Variants in LNPK observed in about 807,000 individuals in gnomAD.
LNPK encodes the protein endoplasmic reticulum junction formation protein lunapark.
Under a neutral mutation model 55.2 loss-of-function variants are expected in LNPK, and 29 were observed. The observed-to-expected ratio is 0.53, with a 90% CI of 0.39 to 0.72. LNPK has a LOEUF of 0.72. Ranked by LOEUF, LNPK falls within the 30% of genes least tolerant of loss-of-function variation. LNPK has a pLI of 0.00. For missense variants in LNPK, 467 were observed against 494.8 expected, an observed-to-expected ratio of 0.94 and a Z score of 0.53; for synonymous variants, 162 against 168.2, an observed-to-expected ratio of 0.96 and a Z score of 0.29.
At chr2:175,968,980 T>C (rs1246829132) in intron 6 of LNPK, among the ~76,000 whole-genome samples, 3 of 150,982 alleles carry the variant, frequency 2.0e-5, no homozygotes, top group Non-Finnish European at 4.4e-5. Flanking sequence ...ATTGCACCAC[T>C]GCACTCCTGC....
In LNPK at chr2:175,975,190, C is replaced by T. The variant is rs972125844; in HGVS notation, c.317-4386G>A. Reference sequence around the variant, plus strand: ...TAACATTTTTTAAAACTACAGCAAACATCATACTTAATGGTAAAATATTAA... The same window carrying T: ...TAACATTTTTTAAAACTACAGCAAATATCATACTTAATGGTAAAATATTAA... On this transcript the variant is annotated intron_variant, in intron 5 of 12. Coordinates refer to ENST00000272748, the MANE Select transcript of LNPK (RefSeq NM_030650.3). Among the ~76,000 whole-genome samples the T allele has an allele frequency of 1.8e-4, 27 of 152,208 alleles. No individual in the cohort carries two copies. In the Middle Eastern group the frequency reaches 0.01, roughly 58 times the overall value.
chr2:175,930,272 A>G, intron 12 of LNPK, 73 bp from the exon 13 acceptor site: 1 of 810,160 alleles, frequency 1.2e-6, no homozygotes, highest in Non-Finnish European at 2.0e-6. Context: ...AGCAAAAAAG[A>G]TAAACACACA....
At chr2:175,974,763 TA>T (rs1419904344) in intron 5 of LNPK, among the ~76,000 whole-genome samples, 2 of 151,972 alleles carry the variant, frequency 1.3e-5, no homozygotes, top group African/African-American at 2.4e-5. Context: ...GCTTCAGGCT[TA>T]AAAAAATACT....
chr2:175,975,840 G>A (rs777455956), intron 5 of LNPK, among the ~76,000 whole-genome samples: 3 of 152,184 alleles, frequency 2.0e-5, no homozygotes, highest in African/African-American at 4.8e-5. Flanking sequence ...GTGAAACCCT[G>A]TCTCTATTAA....
chr2:175,926,416 AAGCACAAAGGCCCTCACCAGATGCT>A lies in LNPK; in HGVS notation c.*3526_*3550del, dbSNP rs1453214188. The A allele has an allele frequency of 1.3e-5, 2 of 152,192 alleles. No homozygotes were observed. The highest frequency in any genetic ancestry group is 4.8e-5 in the African/African-American group (2 of 41,434). 9.4% of individuals were successfully genotyped at this position (152,192 alleles called of 1,614,324 possible). Reference sequence around the variant, plus strand: ...TTCTGCCTTCTGGCATGGGATGACAAAGCACAAAGGCCCTCACCAGATGCTAGCATCATGCCTTTGGATTTCCCAG... The same window carrying A: ...TTCTGCCTTCTGGCATGGGATGACAAAGCATCATGCCTTTGGATTTCCCAG... On this transcript the variant is annotated 3_prime_UTR_variant, in exon 13 of 13. Coordinates refer to ENST00000272748, the MANE Select transcript of LNPK (RefSeq NM_030650.3).
intron 4 of LNPK, among the ~76,000 whole-genome samples, chr2:175,980,482 TAAGACATCAAATGAATTGAAAGAATTAA>T (rs1178914456): frequency 1.4e-4 from 21 of 152,216 alleles, no homozygotes; most frequent in Non-Finnish European, 2.4e-4. Flanking sequence ...CTTGCATTAG[TAAGACATCAAATGAATTGAAAGAATTAA>T]AAGAAACTAA....
rs1477595695 is a variant in LNPK, at chr2:175,924,332, G to C, written c.*5635C>G. On this transcript the variant is annotated 3_prime_UTR_variant, in exon 13 of 13. Transcript: ENST00000272748. ...CTTTGGCCCTTCAACTAACTGATTT[G>C]TACACAGATAATAAATCCAACAGGT... 6.6e-6 allele frequency: 1 copy of C among 152,088 alleles called. No homozygotes were observed. The highest frequency in any genetic ancestry group is 1.5e-5 in the Non-Finnish European group (1 of 68,008). The allele number at this position is 152,088 out of a possible 1,614,324, so 9.4% of individuals were successfully genotyped here.
chr2:175,985,805 T>A (rs1010720454), intron 4 of LNPK, among the ~76,000 whole-genome samples: 3 of 152,270 alleles, frequency 2.0e-5, no homozygotes, highest in African/African-American at 7.2e-5. Context: ...GCAATAAAAG[T>A]TATATGAATG....
At chr2:175,957,124 G>A (rs1376680912) in intron 8 of LNPK, among the ~76,000 whole-genome samples, 1 of 152,072 alleles carries the variant, frequency 6.6e-6, no homozygotes, top group Non-Finnish European at 1.5e-5. Context: ...TTGGGAGGCT[G>A]AGGTGGGCAG....
intron 1 of LNPK, among the ~76,000 whole-genome samples, chr2:175,996,489 C>T (rs1687938473): frequency 6.6e-6 from 1 of 152,170 alleles, no homozygotes; most frequent in South Asian, 2.1e-4. Context: ...GATTCTAAGC[C>T]TTAATTTTCT....
At chr2:175,983,399 T>C (rs1418746145) in intron 4 of LNPK, among the ~76,000 whole-genome samples, 1 of 152,188 alleles carries the variant, frequency 6.6e-6, no homozygotes, top group Non-Finnish European at 1.5e-5. Context: ...AGGAAAATTC[T>C]AGTTAGCCTG....
At chr2:175,970,487 C>G (rs533810380) in intron 6 of LNPK, among the ~76,000 whole-genome samples, 1 of 151,990 alleles carries the variant, frequency 6.6e-6, no homozygotes, top group Admixed American at 6.6e-5. Flanking sequence ...ACATTTTTAC[C>G]CTCTCTGCCT....
intron 4 of LNPK, among the ~76,000 whole-genome samples, chr2:175,982,775 G>T (rs1243112965): frequency 6.6e-6 from 1 of 152,110 alleles, no homozygotes; most frequent in Non-Finnish European, 1.5e-5. Context: ...CAAAGGTTTT[G>T]CTCTCCCAAT....
At chr2:175,953,445 A>C (rs191013530) in intron 8 of LNPK, among the ~76,000 whole-genome samples, 32 of 152,220 alleles carry the variant, frequency 2.1e-4, no homozygotes, top group Admixed American at 9.8e-4. Flanking sequence ...CCAAAAGTAA[A>C]TTCATTATCT....
chr2:175,981,836 C>G (rs1048685879), intron 4 of LNPK, among the ~76,000 whole-genome samples: 2 of 152,166 alleles, frequency 1.3e-5, no homozygotes, highest in African/African-American at 2.4e-5. Context: ...ATAGAACTAC[C>G]CAGCTAAGCA....
chr2:175,966,016 A>C (rs1686319079), intron 6 of LNPK, among the ~76,000 whole-genome samples: 1 of 152,184 alleles, frequency 6.6e-6, no homozygotes, highest in Non-Finnish European at 1.5e-5. Context: ...GTGATAAATG[A>C]GCACTTAAAA....
At chr2:175,939,373 T>C (rs1472047779) in intron 10 of LNPK, among the ~76,000 whole-genome samples, 179 bp downstream of exon 10, 2 of 152,178 alleles carry the variant, frequency 1.3e-5, no homozygotes, top group African/African-American at 4.8e-5. Flanking sequence ...ATCCAGACTA[T>C]GTTGTCAAAA....
chr2:175,975,317 AAAGAAT>A (rs1172647305), intron 5 of LNPK, among the ~76,000 whole-genome samples: 155 of 152,356 alleles, frequency 1.0e-3, no homozygotes, highest in African/African-American at 3.3e-3. Context: ...AAGAAAAATA[AAAGAAT>A]AAGAATTGGA....
chr2:175,988,265 G>A (rs918757639), intron 4 of LNPK, among the ~76,000 whole-genome samples: 1 of 152,012 alleles, frequency 6.6e-6, no homozygotes, highest in African/African-American at 2.4e-5. Context: ...ACTTTGTGAG[G>A]CTGAGATGGG....
Sources: gnomAD v4.1 joint callset for allele counts (sites outside exome capture counted in the v4.1 genomes callset) on GRCh38, gnomAD v4.1.1 for gene constraint, MANE v1.5 for transcripts, NCBI Gene and HGNC (gene_info 2026-07-23, HGNC 2026-07-21) for gene names.